CAMK2D: variants seen among roughly 807,000 people sequenced by gnomAD.
CAMK2D encodes calcium/calmodulin-dependent protein kinase type II subunit delta.
A neutral mutation model predicts 84.0 loss-of-function variants in CAMK2D; 37 were observed. That is an observed-to-expected ratio of 0.44 (90% CI 0.34 to 0.58). The LOEUF (loss-of-function observed/expected upper bound fraction) is 0.58. Ranked by LOEUF, CAMK2D falls within the 20% of genes least tolerant of loss-of-function variation. The pLI, the probability that CAMK2D is intolerant of heterozygous loss-of-function variation, is 0.02. For missense variants in CAMK2D, 448 were observed against 652.5 expected (o/e 0.69, Z 3.41); for synonymous variants, 202 against 212.5 (o/e 0.95, Z 0.43).
intron 17 of CAMK2D, among the ~76,000 whole-genome samples, chr4:113,462,644 C>A (rs565537806): frequency 6.6e-6 from 1 of 152,038 alleles, no homozygotes; most frequent in African/African-American, 2.4e-5. Context: ...TTAAAATACC[C>A]TATTTTAAAC....
intron 2 of CAMK2D, among the ~76,000 whole-genome samples, chr4:113,703,480 T>C (rs2099429175): frequency 6.6e-6 from 1 of 152,110 alleles, no homozygotes; most frequent in Non-Finnish European, 1.5e-5. Context: ...CGTGAGCCAC[T>C]ATGCCCAACT....
intron 8 of CAMK2D, among the ~76,000 whole-genome samples, chr4:113,520,949 A>T (rs915014016): frequency 4.0e-5 from 6 of 151,790 alleles, no homozygotes; most frequent in Non-Finnish European, 8.8e-5. Flanking sequence ...AGATCACTTG[A>T]GCCCAGGAGT....
intron 4 of CAMK2D, among the ~76,000 whole-genome samples, chr4:113,571,213 T>G (rs927774206): frequency 1.3e-5 from 2 of 152,198 alleles, no homozygotes; most frequent in African/African-American, 4.8e-5. Flanking sequence ...ACTACAGCCA[T>G]TATGGAAAAT....
chr4:113,620,933 T>G (rs775812697), intron 3 of CAMK2D, among the ~76,000 whole-genome samples: 22 of 152,106 alleles, frequency 1.4e-4, no homozygotes, highest in Non-Finnish European at 2.9e-4. Flanking sequence ...TGATTTTACA[T>G]ATTTTTTATT....
Position 113,453,807 on chromosome 4 carries a change from A to G in CAMK2D, c.*738T>C, listed in dbSNP as rs940402026. On this transcript the variant is annotated 3_prime_UTR_variant, in exon 21 of 21. Transcript: ENST00000511664. ...AAAGAGATCACAGATTTGAGAAAGA[A>G]AAACAATTCAATTCAGCAAATTCAC... 1 of 152,632 alleles carries G rather than the reference A, an allele frequency of 6.6e-6. No homozygotes were observed. Among genetic ancestry groups the G allele is most frequent in the African/African-American group, 2.4e-5 (1 of 41,470 alleles). The allele number at this position is 152,632 out of a possible 1,614,324, so 9.5% of individuals were successfully genotyped here.
At chr4:113,714,735 G>A (rs1348009815) in intron 2 of CAMK2D, among the ~76,000 whole-genome samples, 1 of 152,078 alleles carries the variant, frequency 6.6e-6, no homozygotes, top group Non-Finnish European at 1.5e-5. Context: ...TAGTATGTAA[G>A]CATTTAGAGC....
At position 113,545,930 on chromosome 4, in the gene CAMK2D, C is replaced by T. The variant is rs548740552; in HGVS notation, c.414+1714G>A. ...ATCTGCTTAAGTTTTTAATTAGTGA[C>T]GTTAGCTCATACGTCAGAGAATATA... On this transcript the variant is annotated intron_variant, in intron 6 of 20. Transcript: ENST00000511664. 1.8e-4 allele frequency among the ~76,000 whole-genome samples: 28 copies of T among 152,134 alleles called. 1 individual carries two copies. The highest frequency in any genetic ancestry group is 2.9e-4 in the Non-Finnish European group (20 of 68,010).
rs2099641277 is a variant in CAMK2D at position 113,761,481 on chromosome 4, G to A, written c.-413C>T. On this transcript the variant is annotated 5_prime_UTR_variant, in exon 1 of 21. Transcript: ENST00000511664. ...CCGCACTGGAGCAGGAGGAGTAGAAGCAGAGGGGAGGGAGTCCGAGGGGGC... is the reference window on the plus strand; with the variant it reads ...CCGCACTGGAGCAGGAGGAGTAGAAACAGAGGGGAGGGAGTCCGAGGGGGC... 1.8e-6 allele frequency: 2 copies of A among 1,087,502 alleles called. No individual in the cohort carries two copies. Among genetic ancestry groups the A allele is most frequent in the African/African-American group, 1.7e-5 (1 of 60,248 alleles). 67.4% of individuals were successfully genotyped at this position (1,087,502 alleles called of 1,614,324 possible).
intron 2 of CAMK2D, among the ~76,000 whole-genome samples, chr4:113,689,617 T>C (rs2099377866): frequency 6.6e-6 from 1 of 152,234 alleles, no homozygotes; most frequent in South Asian, 2.1e-4. Flanking sequence ...CTTTTTTCTC[T>C]GGCTTAAATA....
intron 2 of CAMK2D, among the ~76,000 whole-genome samples, chr4:113,752,132 T>C (rs1016172778): frequency 6.6e-6 from 1 of 151,872 alleles, no homozygotes; most frequent in African/African-American, 2.4e-5. Context: ...AGGATAGGGA[T>C]CAACAAAAAG....
intron 13 of CAMK2D, among the ~76,000 whole-genome samples, chr4:113,505,905 C>A (rs527332386): frequency 6.6e-6 from 1 of 152,188 alleles, no homozygotes; most frequent in Non-Finnish European, 1.5e-5. Flanking sequence ...TGAGTCGGGG[C>A]ACTAAGAATC....
chr4:113,592,931 G>T (rs1227978798), intron 4 of CAMK2D, among the ~76,000 whole-genome samples: 1 of 152,082 alleles, frequency 6.6e-6, no homozygotes, highest in Non-Finnish European at 1.5e-5. Flanking sequence ...TCAGTTTACT[G>T]CAGCCTCTGC....
chr4:113,691,790 T>C (rs1328456393), intron 2 of CAMK2D, among the ~76,000 whole-genome samples: 1 of 151,964 alleles, frequency 6.6e-6, no homozygotes, highest in Non-Finnish European at 1.5e-5. Flanking sequence ...TGAGTAAATG[T>C]TTCTGAATGG....
At chr4:113,759,782 T>C (rs1233611020) in intron 1 of CAMK2D, among the ~76,000 whole-genome samples, 1 of 152,226 alleles carries the variant, frequency 6.6e-6, no homozygotes, top group African/African-American at 2.4e-5. Context: ...TGCTGCCTAC[T>C]TATTTTGGTA....
chr4:113,515,000 TAAAC>T lies in CAMK2D; in HGVS notation c.819+65_819+68del, dbSNP rs2154167650. The T allele has an allele frequency of 2.2e-6, 3 of 1,379,570 alleles. No homozygotes were observed. The East Asian group carries it at 6.9e-5, about 32-fold the overall frequency. The allele number at this position is 1,379,570 out of a possible 1,614,324, so 85.5% of individuals were successfully genotyped here. A position where few individuals can be genotyped will look rare whatever the true frequency, so the allele number is the denominator to read the frequency against. ...TTTTTGCAAAGCTATTTTAAATCCA[TAAAC>T]AATATATTAAAGGAGAGCTTATTTT... On this transcript the variant is annotated intron_variant, in intron 10 of 20. Transcript: ENST00000511664.
At chr4:113,508,560 A>G (rs1361362052) in intron 13 of CAMK2D, among the ~76,000 whole-genome samples, 1 of 152,232 alleles carries the variant, frequency 6.6e-6, no homozygotes, top group East Asian at 1.9e-4. Flanking sequence ...GGAAAAAGGC[A>G]GTCATCAACT....
chr4:113,455,760 T>TATCTA lies in CAMK2D; in HGVS notation c.1596_1597insTAGAT (p.Ile533Ter). ...ATGTGAATGGTTTTCAGGCCTTAGATGTTTTGCCACAAAGAGGTGCCTCCT... is the reference window on the plus strand; with the variant it reads ...ATGTGAATGGTTTTCAGGCCTTAGATATCTAGTTTTGCCACAAAGAGGTGCCTCCT... On this transcript the variant is annotated stop_gained and frameshift_variant, in exon 20 of 21. Transcript: ENST00000511664. LOFTEE classifies it high-confidence loss of function. 1 of 1,612,076 alleles carries TATCTA rather than the reference T, an allele frequency of 6.2e-7. No homozygotes were observed. The highest frequency in any genetic ancestry group is 1.3e-5 in the African/African-American group (1 of 74,978).
intron 2 of CAMK2D, among the ~76,000 whole-genome samples, chr4:113,699,966 T>C (rs2099413150): frequency 6.6e-6 from 1 of 152,196 alleles, no homozygotes. Context: ...CAAATGACTA[T>C]GTACTTAAGC....
chr4:113,700,646 T>TCAGCTACCTCTCTAGGGTGACCACA lies in CAMK2D; in HGVS notation c.161-38899_161-38875dup, dbSNP rs1361516544. Among the ~76,000 whole-genome samples the TCAGCTACCTCTCTAGGGTGACCACA allele has an allele frequency of 7.2e-5, 11 of 151,860 alleles. No individual in the cohort carries two copies. The East Asian group carries it at 2.0e-3, about 27-fold the overall frequency. On this transcript the variant is annotated intron_variant, in intron 2 of 20. Coordinates refer to ENST00000511664, the MANE Select transcript of CAMK2D (RefSeq NM_001321571.2). ...CACAGGAGGTCCCAGGTAAACTGCT[T>TCAGCTACCTCTCTAGGGTGACCACA]CAGCTACCTCTCTAGGGTGACCACA...
Sources: allele counts gnomAD v4.1 joint callset (sites outside exome capture counted in the v4.1 genomes callset), GRCh38; gene constraint gnomAD v4.1.1; transcripts MANE v1.5; gene names NCBI Gene and HGNC (gene_info 2026-07-23, HGNC 2026-07-21).